LRP1B: variants seen among roughly 807,000 people sequenced by gnomAD.
LRP1B encodes the protein LDL receptor related protein 1B, also known as low-density lipoprotein receptor-related protein 1B.
LRP1B carries 217 observed loss-of-function variants against 556.6 expected under a neutral mutation model. The ratio of observed to expected loss-of-function variants is 0.39; its 90% CI spans 0.35 to 0.44. The LOEUF is 0.44. LRP1B is among the 20% of genes least tolerant of loss of function. The probability of loss-of-function intolerance (pLI) is 1.00; values close to 1 mark genes in which losing one functional copy is unlikely to be tolerated. For missense variants in LRP1B, 5,053 were observed against 5,620.8 expected, an observed-to-expected ratio of 0.90 and a Z score of 3.23; for synonymous variants, 2,047 against 1,865.8, an observed-to-expected ratio of 1.10 and a Z score of -2.50.
At chr2:140,515,863 A>G (rs987972596) in intron 50 of LRP1B, among the ~76,000 whole-genome samples, 1 of 152,086 alleles carries the variant, frequency 6.6e-6, no homozygotes, top group African/African-American at 2.4e-5. Context: ...AGAGTTTGAC[A>G]TTTCACAGAA....
intron 43 of LRP1B, among the ~76,000 whole-genome samples, chr2:140,588,763 G>T (rs768120658): frequency 7.2e-5 from 11 of 152,148 alleles, no homozygotes; most frequent in Admixed American, 5.2e-4. Flanking sequence ...CAGGAGATCA[G>T]CCTGGCTAAC....
rs1491180183 is a variant in LRP1B at position 141,795,857 on chromosome 2, A to AAAAAATATATATAT, written c.205+14421_205+14422insATATATATATTTTT. 3.7e-4 allele frequency among the ~76,000 whole-genome samples: 19 copies of AAAAAATATATATAT among 51,606 alleles called. 2 individuals are homozygous for AAAAAATATATATAT. Among genetic ancestry groups the AAAAAATATATATAT allele is most frequent in the African/African-American group, 1.2e-3 (16 of 13,476 alleles). 33.9% of individuals were successfully genotyped at this position (51,606 alleles called of 152,430 possible). A position where few individuals can be genotyped will look rare whatever the true frequency, so the allele number is the denominator to read the frequency against. On this transcript the variant is annotated intron_variant, in intron 2 of 90. Transcript: ENST00000389484. ...GAAATAGAGAATGAAAACCAGGAGC[A>AAAAAATATATATAT]ATATATATATATATATATATATATA...
intron 31 of LRP1B, among the ~76,000 whole-genome samples, chr2:140,824,017 T>C (rs981015911): frequency 1.8e-4 from 28 of 151,772 alleles, no homozygotes; most frequent in African/African-American, 6.8e-4. Context: ...GGTGATGAAA[T>C]GATCTGAACA....
At chr2:141,975,954 C>CT (rs1435848766) in intron 1 of LRP1B, among the ~76,000 whole-genome samples, 3 of 151,876 alleles carry the variant, frequency 2.0e-5, no homozygotes, top group South Asian at 4.2e-4. Context: ...ATGTACAGGG[C>CT]TTTTTTTGAA....
At chr2:141,488,576 A>C (rs1683203140) in intron 2 of LRP1B, among the ~76,000 whole-genome samples, 1 of 152,046 alleles carries the variant, frequency 6.6e-6, no homozygotes, top group African/African-American at 2.4e-5. Context: ...CTCTCAGCTC[A>C]GCTTCCCAAG....
At chr2:140,517,725 TG>T (rs1689975828) in intron 49 of LRP1B, among the ~76,000 whole-genome samples, 1 of 147,794 alleles carries the variant, frequency 6.8e-6, no homozygotes, top group African/African-American at 2.5e-5. Context: ...TTTTTTTTTT[TG>T]TTGAGATGGA....
intron 66 of LRP1B, among the ~76,000 whole-genome samples, chr2:140,388,755 G>A (rs142138235): frequency 4.9e-4 from 74 of 152,340 alleles, no homozygotes; most frequent in African/African-American, 1.6e-3. Flanking sequence ...AGGGGGAACT[G>A]TATGAGTAAG....
chr2:141,005,556 T>C (rs1697549753), intron 14 of LRP1B, 99 bp from the exon 15 acceptor site: 1 of 944,638 alleles, frequency 1.1e-6, no homozygotes. Context: ...ATATGCTATG[T>C]ATATTATATA....
chr2:142,010,195 A>G (rs1440903651), intron 1 of LRP1B, among the ~76,000 whole-genome samples: 1 of 152,050 alleles, frequency 6.6e-6, no homozygotes, highest in Non-Finnish European at 1.5e-5. Flanking sequence ...GGATGCTACA[A>G]ATCATGCCAC....
intron 1 of LRP1B, among the ~76,000 whole-genome samples, chr2:141,850,550 T>A (rs1697812635): frequency 6.6e-6 from 1 of 150,782 alleles, no homozygotes; most frequent in Non-Finnish European, 1.5e-5. Flanking sequence ...CATTCCTATA[T>A]ATATATATGT....
chr2:142,124,046 T>A (rs961641704), intron 1 of LRP1B, among the ~76,000 whole-genome samples: 38 of 151,846 alleles, frequency 2.5e-4, no homozygotes, highest in African/African-American at 8.4e-4. Context: ...TTTTTTTTAA[T>A]TTTAATTTTA....
At chr2:142,092,260 C>A (rs981046700) in intron 1 of LRP1B, among the ~76,000 whole-genome samples, 6 of 152,064 alleles carry the variant, frequency 3.9e-5, no homozygotes, top group Non-Finnish European at 7.4e-5. Flanking sequence ...TTAATAAATT[C>A]TTATAAATTG....
chr2:140,465,333 GA>G (rs1480338729), intron 60 of LRP1B, among the ~76,000 whole-genome samples: 2 of 152,038 alleles, frequency 1.3e-5, no homozygotes, highest in Non-Finnish European at 2.9e-5. Context: ...ATTTGGACAG[GA>G]AAAAATATCC....
intron 1 of LRP1B, among the ~76,000 whole-genome samples, chr2:142,053,651 T>C (rs1278543801): frequency 6.6e-6 from 1 of 152,142 alleles, no homozygotes; most frequent in East Asian, 1.9e-4. Context: ...TGAAAGGCAG[T>C]TGGATTTATA....
chr2:140,806,809 A>T lies in LRP1B; in HGVS notation c.5359+6848T>A, dbSNP rs1690733595. 2.0e-5 allele frequency among the ~76,000 whole-genome samples: 3 copies of T among 152,302 alleles called. No individual in the cohort carries two copies. In the South Asian group the frequency reaches 6.2e-4, roughly 32 times the overall value. ...AAGTACAAAATACAGATAAGCTATC[A>T]TCCTTCTATTTCGTGAATTCCGTCA... On this transcript the variant is annotated intron_variant, in intron 32 of 90. Coordinates refer to ENST00000389484, the MANE Select transcript of LRP1B (RefSeq NM_018557.3).
intron 2 of LRP1B, among the ~76,000 whole-genome samples, chr2:141,505,308 T>C (rs1211042125): frequency 6.6e-6 from 1 of 152,076 alleles, no homozygotes; most frequent in East Asian, 1.9e-4. Flanking sequence ...AAATCTTTTG[T>C]TGCAACTCGG....
intron 2 of LRP1B, among the ~76,000 whole-genome samples, chr2:141,695,410 G>T (rs1321014294): frequency 2.4e-4 from 36 of 151,990 alleles, no homozygotes; most frequent in Admixed American, 2.4e-3. Flanking sequence ...GCCTAATAGT[G>T]ATAATAATGT....
At chr2:142,015,769 G>T (rs554031568) in intron 1 of LRP1B, among the ~76,000 whole-genome samples, 1 of 151,792 alleles carries the variant, frequency 6.6e-6, no homozygotes, top group Admixed American at 6.6e-5. Flanking sequence ...CGAGGCGGGC[G>T]GATCACGAGG....
At chr2:141,910,645 A>G (rs969971551) in intron 1 of LRP1B, among the ~76,000 whole-genome samples, 1 of 152,122 alleles carries the variant, frequency 6.6e-6, no homozygotes, top group African/African-American at 2.4e-5. Flanking sequence ...ATATAATTAT[A>G]TAGTTTATCT....
Sources: gnomAD v4.1 joint callset for allele counts (sites outside exome capture counted in the v4.1 genomes callset) on GRCh38, gnomAD v4.1.1 for gene constraint, MANE v1.5 for transcripts, NCBI Gene and HGNC (gene_info 2026-07-23, HGNC 2026-07-21) for gene names.